SMARCA2: variants seen among roughly 807,000 people sequenced by gnomAD.
SMARCA2 encodes the protein SWI/SNF-related matrix-associated actin-dependent regulator of chromatin subfamily A member 2.
Under a neutral mutation model 199.8 loss-of-function variants are expected in SMARCA2, and 61 were observed. That is an observed-to-expected ratio of 0.31 (90% CI 0.25 to 0.38). SMARCA2 has a LOEUF of 0.38. Ranked by LOEUF, SMARCA2 falls within the 10% of genes least tolerant of loss-of-function variation. The pLI, the probability that SMARCA2 is intolerant of heterozygous loss-of-function variation, is 1.00. For missense variants in SMARCA2, 1,344 were observed against 2,012.2 expected (o/e 0.67, Z 6.35); for synonymous variants, 935 against 732.0 (o/e 1.28, Z -4.48).
chr9:2,102,241 T>C (rs1287986658), intron 22 of SMARCA2, among the ~76,000 whole-genome samples: 5 of 152,160 alleles, frequency 3.3e-5, no homozygotes, highest in Non-Finnish European at 7.4e-5. Flanking sequence ...ACAGTTTCAC[T>C]GGGCTAAGAA....
At chr9:2,162,483 G>A (rs187598070) in intron 28 of SMARCA2, among the ~76,000 whole-genome samples, 113 of 152,246 alleles carry the variant, frequency 7.4e-4, no homozygotes, top group African/African-American at 2.6e-3. Flanking sequence ...AGAAAGCTGT[G>A]TGGGACACTC....
At chr9:2,076,186 T>G (rs1563751637) in intron 12 of SMARCA2, 43 bp from the exon 13 acceptor site, 1 of 1,067,208 alleles carries the variant, frequency 9.4e-7, no homozygotes, top group Admixed American at 1.8e-5. Flanking sequence ...AGAGATTTCC[T>G]TGTTAAAATA....
At chr9:2,051,131 TAAC>T (rs1206161601) in intron 5 of SMARCA2, among the ~76,000 whole-genome samples, 3 of 152,186 alleles carry the variant, frequency 2.0e-5, no homozygotes, top group Non-Finnish European at 2.9e-5. Context: ...AGATTTCTAT[TAAC>T]AACAACAACA....
chr9:2,184,637 G>T (rs1827301153), intron 31 of SMARCA2, among the ~76,000 whole-genome samples: 1 of 152,062 alleles, frequency 6.6e-6, no homozygotes, highest in African/African-American at 2.4e-5. Context: ...ACAGGTGTGA[G>T]TACCACACCT....
At chr9:2,164,887 C>T (rs1316066712) in intron 28 of SMARCA2, among the ~76,000 whole-genome samples, 2 of 152,122 alleles carry the variant, frequency 1.3e-5, no homozygotes, top group East Asian at 3.9e-4. Context: ...ACTAAATTTC[C>T]CACCACTGAA....
chr9:2,152,908 G>T (rs1278114366), intron 27 of SMARCA2, among the ~76,000 whole-genome samples: 1 of 152,032 alleles, frequency 6.6e-6, no homozygotes, highest in Non-Finnish European at 1.5e-5. Context: ...TGTGAAGAAA[G>T]ATGTAGGATC....
At chr9:2,093,177 A>T (rs1313850005) in intron 19 of SMARCA2, among the ~76,000 whole-genome samples, 1 of 152,226 alleles carries the variant, frequency 6.6e-6, no homozygotes, top group African/African-American at 2.4e-5. Flanking sequence ...AATGCAAGGC[A>T]GCATCATCCC....
At chr9:2,111,366 C>G (rs938764937) in intron 24 of SMARCA2, among the ~76,000 whole-genome samples, 2 of 151,692 alleles carry the variant, frequency 1.3e-5, no homozygotes, top group South Asian at 2.1e-4. Flanking sequence ...GCACTTATAC[C>G]TGTAGTCCCA....
At chr9:2,075,396 G>C (rs1821278044) in intron 12 of SMARCA2, 1 of 152,208 alleles carries the variant, frequency 6.6e-6, no homozygotes, top group Admixed American at 6.5e-5. Context: ...TTCTACACCA[G>C]GTTAGTAGTG....
At chr9:2,132,488 G>A (rs1337434480) in intron 27 of SMARCA2, among the ~76,000 whole-genome samples, 1 of 152,120 alleles carries the variant, frequency 6.6e-6, no homozygotes, top group Admixed American at 6.6e-5. Context: ...AGCATAATGT[G>A]CATCATGTTT....
intron 1 of SMARCA2, among the ~76,000 whole-genome samples, chr9:2,019,391 G>A (rs1818506038): frequency 6.6e-6 from 1 of 151,738 alleles, no homozygotes; most frequent in African/African-American, 2.4e-5. Context: ...CATGTTCAAA[G>A]CAGCCTTAGA....
chr9:2,040,511 A>G (rs1819559002), intron 4 of SMARCA2: 1 of 153,350 alleles, frequency 6.5e-6, no homozygotes, highest in Admixed American at 6.5e-5. Flanking sequence ...AATCAGAGCC[A>G]AAAGGAGACA....
At chr9:2,082,729 TAAG>T (rs1233350004) in intron 15 of SMARCA2, among the ~76,000 whole-genome samples, 2 of 152,252 alleles carry the variant, frequency 1.3e-5, no homozygotes, top group Non-Finnish European at 2.9e-5. Context: ...GGACCTTCAG[TAAG>T]AAGAAGGATT....
intron 4 of SMARCA2, chr9:2,042,625 C>G (rs183579989): frequency 6.6e-6 from 1 of 151,730 alleles, no homozygotes; most frequent in Non-Finnish European, 1.5e-5. Context: ...ATCCTGAGTG[C>G]CTTTTCTGGA....
intron 27 of SMARCA2, among the ~76,000 whole-genome samples, chr9:2,126,429 T>A (rs1823699280): frequency 1.3e-5 from 2 of 152,252 alleles, no homozygotes; most frequent in African/African-American, 4.8e-5. Context: ...GCATTCAAAG[T>A]AGATGCTTCC....
intron 27 of SMARCA2, among the ~76,000 whole-genome samples, chr9:2,149,483 G>A (rs1824943802): frequency 6.6e-6 from 1 of 151,518 alleles, no homozygotes; most frequent in African/African-American, 2.4e-5. Flanking sequence ...ACATGCCATT[G>A]CACTCCAGCC....
At position 2,170,612 on chromosome 9, in the gene SMARCA2, G is replaced by C; in HGVS notation, c.4253+140G>C. 7 of 1,375,856 alleles carry C rather than the reference G, an allele frequency of 5.1e-6. No individual in the cohort carries two copies. Among genetic ancestry groups the C allele is most frequent in the Non-Finnish European group, 6.0e-6 (6 of 995,050 alleles). The allele number at this position is 1,375,856 out of a possible 1,614,324, so 85.2% of individuals were successfully genotyped here. Reference sequence around the variant, plus strand: ...TCACCCCTACTTGGAGAGCGGGATAGAGGCACAGATACTCTTAAACAGCTG... The same window carrying C: ...TCACCCCTACTTGGAGAGCGGGATACAGGCACAGATACTCTTAAACAGCTG... On this transcript the variant is annotated intron_variant, in intron 29 of 33. Transcript: ENST00000349721. This position sits in a 1 kb window ranked among gnomAD's most constrained non-coding sequence, Gnocchi z 4.7.
chr9:2,192,891 G>T lies in SMARCA2; in HGVS notation c.*152G>T. On this transcript the variant is annotated 3_prime_UTR_variant, in exon 34 of 34. Transcript: ENST00000349721. ...TTAGGATAGTGCCAGACAAACATAT[G>T]ATATCATGGTGTAAAAAACACACAC... is the stretch of plus-strand genomic sequence containing the variant. 1 of 631,318 alleles carries T rather than the reference G, an allele frequency of 1.6e-6. No homozygotes were observed. Among genetic ancestry groups the T allele is most frequent in the South Asian group, 2.1e-5 (1 of 48,300 alleles). 39.1% of individuals were successfully genotyped at this position (631,318 alleles called of 1,614,324 possible).
At chr9:2,057,762 C>A (rs1004945493) in intron 7 of SMARCA2, among the ~76,000 whole-genome samples, 1 of 151,710 alleles carries the variant, frequency 6.6e-6, no homozygotes, top group Non-Finnish European at 1.5e-5. Context: ...GCTTAGTTTC[C>A]TTTTGAAAAA....
Sources: allele counts gnomAD v4.1 joint callset (sites outside exome capture counted in the v4.1 genomes callset), GRCh38; gene constraint gnomAD v4.1.1; non-coding constraint Gnocchi (gnomAD v3.1); transcripts MANE v1.5; gene names NCBI Gene and HGNC (gene_info 2026-07-23, HGNC 2026-07-21).